ADGRL2: variants seen among roughly 807,000 people sequenced by gnomAD.
ADGRL2 encodes calcium-independent alpha-latrotoxin receptor 2.
A neutral mutation model predicts 157.4 loss-of-function variants in ADGRL2; 44 were observed. The observed-to-expected ratio is 0.28, with a 90% CI of 0.22 to 0.36. The LOEUF is 0.36. ADGRL2 is among the 10% of genes least tolerant of loss of function. The probability of loss-of-function intolerance (pLI) is 1.00; values close to 1 mark genes in which losing one functional copy is unlikely to be tolerated. For missense variants in ADGRL2, 1,510 were observed against 1,768.9 expected, an observed-to-expected ratio of 0.85 and a Z score of 2.63; for synonymous variants, 585 against 624.7, an observed-to-expected ratio of 0.94 and a Z score of 0.95.
intron 3 of ADGRL2, among the ~76,000 whole-genome samples, chr1:81,934,689 T>C (rs2095283688): frequency 6.6e-6 from 1 of 151,996 alleles, no homozygotes; most frequent in South Asian, 2.1e-4. Flanking sequence ...TTACTCACAC[T>C]AGAAATTGTT....
chr1:81,973,787 A>C (rs1319972974), intron 17 of ADGRL2, among the ~76,000 whole-genome samples: 1 of 152,164 alleles, frequency 6.6e-6, no homozygotes, highest in Non-Finnish European at 1.5e-5. Context: ...CCCAGTACAG[A>C]TCTTGTTGGA....
chr1:81,657,647 G>T (rs1208379013), intron 3 of ADGRL2, among the ~76,000 whole-genome samples: 1 of 152,094 alleles, frequency 6.6e-6, no homozygotes, highest in African/African-American at 2.4e-5. Flanking sequence ...GCATGTATGT[G>T]TAGTTTTTAG....
intron 1 of ADGRL2, among the ~76,000 whole-genome samples, chr1:81,364,773 C>T (rs1205035003): frequency 6.6e-6 from 1 of 151,284 alleles, no homozygotes; most frequent in Non-Finnish European, 1.5e-5. Flanking sequence ...AATTTCAGCT[C>T]ACTGCAACCT....
At chr1:81,792,070 G>A (rs1489043493) in intron 2 of ADGRL2, among the ~76,000 whole-genome samples, 1 of 152,100 alleles carries the variant, frequency 6.6e-6, no homozygotes, top group Non-Finnish European at 1.5e-5. Context: ...TTTCTCTGGG[G>A]AGGGAGTATG....
intron 1 of ADGRL2, among the ~76,000 whole-genome samples, chr1:81,327,671 A>G (rs1660991950): frequency 6.6e-6 from 1 of 152,206 alleles, no homozygotes; most frequent in Non-Finnish European, 1.5e-5. Context: ...AATATCAAAT[A>G]TCTTTCTTCA....
At chr1:81,590,472 C>A (rs1359307) in intron 3 of ADGRL2, among the ~76,000 whole-genome samples, 2 of 151,774 alleles carry the variant, frequency 1.3e-5, no homozygotes, top group East Asian at 3.9e-4. Flanking sequence ...GACAATTAAG[C>A]GCTTCCCTGT....
intron 2 of ADGRL2, among the ~76,000 whole-genome samples, chr1:81,904,207 G>GAT (rs138543115): frequency 0.013 from 2,029 of 151,448 alleles, 45 homozygotes; most frequent in African/African-American, 0.045. Flanking sequence ...TAGCAGGGTA[G>GAT]ATATATATAT....
intron 2 of ADGRL2, among the ~76,000 whole-genome samples, chr1:81,545,192 G>T (rs1288371082): frequency 6.6e-6 from 1 of 151,954 alleles, no homozygotes; most frequent in Non-Finnish European, 1.5e-5. Flanking sequence ...GGGGATCGAG[G>T]TTCAAAACAC....
intron 1 of ADGRL2, among the ~76,000 whole-genome samples, chr1:81,347,036 A>G (rs754678015): frequency 6.6e-6 from 1 of 152,196 alleles, no homozygotes; most frequent in Non-Finnish European, 1.5e-5. Context: ...GGAGAGCTGA[A>G]GAGAAAGTGT....
At chr1:81,545,089 G>A (rs2079981277) in intron 2 of ADGRL2, among the ~76,000 whole-genome samples, 2 of 151,922 alleles carry the variant, frequency 1.3e-5, no homozygotes, top group African/African-American at 2.4e-5. Flanking sequence ...GAGAACAAAG[G>A]GAGAAAGGAG....
intron 1 of ADGRL2, among the ~76,000 whole-genome samples, chr1:81,356,726 G>A (rs1172305974): frequency 6.6e-6 from 1 of 151,532 alleles, no homozygotes; most frequent in Non-Finnish European, 1.5e-5. Context: ...GGCCGAGGTG[G>A]GTGGATCCCG....
chr1:81,511,322 C>G lies in ADGRL2; in HGVS notation c.-248+66233C>G, dbSNP rs2079070950. 2.0e-5 allele frequency among the ~76,000 whole-genome samples: 3 copies of G among 147,516 alleles called. No individual in the cohort carries two copies. In the Admixed American group the frequency reaches 2.1e-4, roughly 10 times the overall value. ...TTGGAAGGTTGTGGCAATAGAATCC[C>G]TTGAGCCCAGGAGCTCCAAGCCCAG... On this transcript the variant is annotated intron_variant, in intron 2 of 24. Transcript: ENST00000370721.
At chr1:81,356,171 C>G (rs963714383) in intron 1 of ADGRL2, among the ~76,000 whole-genome samples, 2 of 152,194 alleles carry the variant, frequency 1.3e-5, no homozygotes, top group African/African-American at 2.4e-5. Flanking sequence ...TATACAATTT[C>G]TCTCCTCAAT....
intron 3 of ADGRL2, among the ~76,000 whole-genome samples, chr1:81,677,255 G>A (rs1203757941): frequency 6.6e-6 from 1 of 152,156 alleles, no homozygotes; most frequent in Non-Finnish European, 1.5e-5. Flanking sequence ...AAAGTGCTGG[G>A]ATTATAGGCA....
At chr1:81,662,252 C>CTTTTTTTTTTTTTTTTTTTTTTTT in intron 3 of ADGRL2, among the ~76,000 whole-genome samples, 1 of 127,512 alleles carries the variant, frequency 7.8e-6, no homozygotes, top group Admixed American at 8.4e-5. Flanking sequence ...CTCATTCATT[C>CTTTTTTTTTTTTTTTTTTTTTTTT]TTTTTTTTTT....
intron 3 of ADGRL2, among the ~76,000 whole-genome samples, chr1:81,582,598 A>G (rs566340727): frequency 5.4e-5 from 8 of 147,970 alleles, no homozygotes; most frequent in African/African-American, 2.0e-4. Flanking sequence ...ATTGCACTCA[A>G]AAAAAAAAAG....
chr1:81,915,705 A>G (rs533784606), intron 3 of ADGRL2, among the ~76,000 whole-genome samples: 10 of 152,304 alleles, frequency 6.6e-5, no homozygotes, highest in Middle Eastern at 3.4e-3. Context: ...AAGCAAAGCC[A>G]TATCTCATTT....
intron 11 of ADGRL2, among the ~76,000 whole-genome samples, chr1:81,960,561 G>A (rs546764534): frequency 5.2e-4 from 79 of 150,738 alleles, no homozygotes; most frequent in South Asian, 2.3e-3. Flanking sequence ...TGCAACCTTC[G>A]CTTCCTGGGT....
At chr1:81,510,024 A>C (rs939224400) in intron 2 of ADGRL2, among the ~76,000 whole-genome samples, 1 of 152,208 alleles carries the variant, frequency 6.6e-6, no homozygotes, top group African/African-American at 2.4e-5. Context: ...TGTTTAGTTT[A>C]TGCTCATCCA....
Sources: gnomAD v4.1 joint callset for allele counts (sites outside exome capture counted in the v4.1 genomes callset) on GRCh38, gnomAD v4.1.1 for gene constraint, MANE v1.5 for transcripts, NCBI Gene and HGNC (gene_info 2026-07-23, HGNC 2026-07-21) for gene names.